RBFOX3: variants seen among roughly 807,000 people sequenced by gnomAD.
RBFOX3 encodes RNA binding protein fox-1 homolog 3.
A neutral mutation model predicts 48.7 loss-of-function variants in RBFOX3; 17 were observed. The observed-to-expected ratio is 0.35, with a 90% CI of 0.24 to 0.52. The LOEUF (loss-of-function observed/expected upper bound fraction) is 0.52. RBFOX3 is among the 20% of genes least tolerant of loss of function. The probability of loss-of-function intolerance (pLI) is 0.94; values close to 1 mark genes in which losing one functional copy is unlikely to be tolerated. For synonymous variants in RBFOX3, 212 were observed against 209.5 expected (o/e 1.01, Z -0.10); for missense variants, 382 against 497.5 (o/e 0.77, Z 2.21).
At chr17:79,573,208 G>A (rs1159738028) in intron 1 of RBFOX3, among the ~76,000 whole-genome samples, 1 of 152,186 alleles carries the variant, frequency 6.6e-6, no homozygotes, top group Non-Finnish European at 1.5e-5. Flanking sequence ...CCAGAGCGCA[G>A]CAGCAGAGCC....
chr17:79,095,386 C>T lies in RBFOX3; in HGVS notation c.998+127G>A, dbSNP rs1038124462. 2.9e-5 allele frequency: 23 copies of T among 798,798 alleles called. No individual in the cohort carries two copies. The Admixed American group carries it at 3.0e-4, about 11-fold the overall frequency. 49.5% of individuals were successfully genotyped at this position (798,798 alleles called of 1,614,324 possible). A position where few individuals can be genotyped will look rare whatever the true frequency, so the allele number is the denominator to read the frequency against. On this transcript the variant is annotated intron_variant, in intron 13 of 14. Transcript: ENST00000693108. ...CACACTCAGACCTGCTCCCCTGTCCCGACCCTACTCCCGCCAGGCCTGGAA... is the reference window on the plus strand; with the variant it reads ...CACACTCAGACCTGCTCCCCTGTCCTGACCCTACTCCCGCCAGGCCTGGAA...
chr17:79,146,642 T>C lies in RBFOX3; in HGVS notation c.-33-30894A>G, dbSNP rs115253743. On this transcript the variant is annotated intron_variant, in intron 4 of 14. Transcript: ENST00000693108. The stretch of plus-strand genomic sequence containing the variant: ...CACTGGGGAGCAGCTGAGGGGCTGG[T>C]CTGTGTGTGACCAGCTGCCATCTGC... 7.4e-3 allele frequency among the ~76,000 whole-genome samples: 1,132 copies of C among 152,246 alleles called. 16 individuals are homozygous for C. Among genetic ancestry groups the C allele is most frequent in the African/African-American group, 0.026 (1,078 of 41,534 alleles).
intron 4 of RBFOX3, among the ~76,000 whole-genome samples, chr17:79,164,305 C>A (rs966232827): frequency 1.3e-5 from 2 of 152,194 alleles, no homozygotes; most frequent in African/African-American, 4.8e-5. Context: ...TGGGAGAAGC[C>A]AACAGGCTAA....
chr17:79,505,525 T>A (rs1555778476), intron 1 of RBFOX3, among the ~76,000 whole-genome samples: 1 of 152,202 alleles, frequency 6.6e-6, no homozygotes, highest in African/African-American at 2.4e-5. Flanking sequence ...TTCTGTCTCC[T>A]TCACCTCCCC....
intron 2 of RBFOX3, among the ~76,000 whole-genome samples, chr17:79,385,610 G>T (rs1193690075): frequency 2.6e-5 from 4 of 152,202 alleles, no homozygotes; most frequent in Non-Finnish European, 5.9e-5. Context: ...AATACCACGT[G>T]TGCTGCTCCC....
intron 1 of RBFOX3, among the ~76,000 whole-genome samples, chr17:79,584,195 C>A (rs2144888378): frequency 6.6e-6 from 1 of 152,314 alleles, no homozygotes; most frequent in Admixed American, 6.5e-5. Context: ...CAATGCAACA[C>A]CACCTTACTC....
At chr17:79,151,090 C>T (rs2044312211) in intron 4 of RBFOX3, among the ~76,000 whole-genome samples, 1 of 152,182 alleles carries the variant, frequency 6.6e-6, no homozygotes, top group South Asian at 2.1e-4. Context: ...CCTGGACTCT[C>T]AGAACCACAA....
intron 4 of RBFOX3, among the ~76,000 whole-genome samples, chr17:79,116,218 G>A (rs1457080388): frequency 6.6e-6 from 1 of 152,162 alleles, no homozygotes; most frequent in East Asian, 1.9e-4. Context: ...AGCAGCATGA[G>A]GACTACTGCT....
At chr17:79,476,613 G>A (rs2077799273) in intron 2 of RBFOX3, among the ~76,000 whole-genome samples, 1 of 152,232 alleles carries the variant, frequency 6.6e-6, no homozygotes, top group East Asian at 1.9e-4. Flanking sequence ...GGAAAGGAAA[G>A]AGGGGATAAG....
At chr17:79,397,010 A>G (rs1281245262) in intron 2 of RBFOX3, among the ~76,000 whole-genome samples, 1 of 152,246 alleles carries the variant, frequency 6.6e-6, no homozygotes, top group Non-Finnish European at 1.5e-5. Context: ...GAATCTTGGA[A>G]ATGCTTCCTG....
At chr17:79,269,437 A>G (rs9906700) in intron 3 of RBFOX3, among the ~76,000 whole-genome samples, 34,306 of 152,128 alleles carry the variant, frequency 0.23, 4,199 homozygotes, top group Middle Eastern at 0.41. Context: ...GACTCCTCGC[A>G]GGCAGCAGGT....
chr17:79,495,789 C>T (rs1383147322), intron 1 of RBFOX3, among the ~76,000 whole-genome samples: 1 of 150,900 alleles, frequency 6.6e-6, no homozygotes, highest in East Asian at 2.0e-4. Flanking sequence ...CAGACATCCA[C>T]AGTCTGGGTG....
At chr17:79,119,739 G>A (rs2035171147) in intron 4 of RBFOX3, among the ~76,000 whole-genome samples, 1 of 152,202 alleles carries the variant, frequency 6.6e-6, no homozygotes, top group Non-Finnish European at 1.5e-5. Context: ...AGGGTGACAA[G>A]CAATATCCCT....
At chr17:79,294,520 C>T (rs2073985756) in intron 3 of RBFOX3, among the ~76,000 whole-genome samples, 1 of 152,154 alleles carries the variant, frequency 6.6e-6, no homozygotes, top group African/African-American at 2.4e-5. Context: ...CCATTTTGGC[C>T]AGACTGGTCT....
At chr17:79,388,087 T>C (rs1012225041) in intron 2 of RBFOX3, among the ~76,000 whole-genome samples, 1 of 152,162 alleles carries the variant, frequency 6.6e-6, no homozygotes, top group African/African-American at 2.4e-5. Flanking sequence ...TACGTGTGCA[T>C]GTGTGTGCAT....
intron 4 of RBFOX3, among the ~76,000 whole-genome samples, chr17:79,174,433 C>T (rs2050080809): frequency 1.3e-5 from 2 of 151,928 alleles, no homozygotes; most frequent in Non-Finnish European, 2.9e-5. Context: ...CTCACACACA[C>T]TGACACAATG....
At chr17:79,112,665 G>A (rs1042670944) in intron 5 of RBFOX3, among the ~76,000 whole-genome samples, 6 of 152,090 alleles carry the variant, frequency 3.9e-5, no homozygotes, top group Admixed American at 2.0e-4. Flanking sequence ...TCTAGGGGCC[G>A]GCTCTGCCAC....
rs2057399287 is a variant in RBFOX3 at position 79,364,205 on chromosome 17, C to T, written c.-174-56381G>A. ...TGTTCAGCCTTCCTCTCTGCTCCAC[C>T]TGCCTGCCCAGAGTAGGTCTGGCAC... On this transcript the variant is annotated intron_variant, in intron 2 of 14. Coordinates refer to ENST00000693108, the MANE Select transcript of RBFOX3 (RefSeq NM_001350451.2). This position sits in a 1 kb window ranked among gnomAD's most constrained non-coding sequence, Gnocchi z 5.1. Among the ~76,000 whole-genome samples, 1 of 152,242 alleles carries T rather than the reference C, an allele frequency of 6.6e-6. No individual in the cohort carries two copies. Among genetic ancestry groups the T allele is most frequent in the African/African-American group, 2.4e-5 (1 of 41,466 alleles).
chr17:79,194,602 T>C (rs1328718555), intron 4 of RBFOX3, among the ~76,000 whole-genome samples: 1 of 123,872 alleles, frequency 8.1e-6, no homozygotes, highest in Non-Finnish European at 1.8e-5. Context: ...AAAGTGAGAG[T>C]CTGTCTCAAA....
Sources: gnomAD v4.1 joint callset for allele counts (sites outside exome capture counted in the v4.1 genomes callset) on GRCh38, gnomAD v4.1.1 for gene constraint, Gnocchi (gnomAD v3.1) non-coding constraint, MANE v1.5 for transcripts, NCBI Gene and HGNC (gene_info 2026-07-23, HGNC 2026-07-21) for gene names.